The following ANK1 variants were observed in gnomAD, a reference collection of about 807,000 sequenced individuals.
ANK1 encodes ankyrin 1.
In ANK1, 51 loss-of-function variants were observed where a neutral mutation model predicts 210.4. That is an observed-to-expected ratio of 0.24 (90% CI 0.19 to 0.31). ANK1 has a LOEUF of 0.31. Among genes scored for constraint, ANK1 ranks in the 10% least tolerant of loss-of-function variants. The pLI is 1.00. For missense variants in ANK1, 2,051 were observed against 2,504.4 expected, an observed-to-expected ratio of 0.82 and a Z score of 3.86; for synonymous variants, 967 against 1,025.9, an observed-to-expected ratio of 0.94 and a Z score of 1.10.
In ANK1 at chr8:41,809,570, C is replaced by T. The variant is rs543902814; in HGVS notation, c.127-51433G>A. ...TCACTTGAGCCCAGAAGTTCAAGAC[C>T]AGCCTGGGCAACATAGCAAGACCCC... On this transcript the variant is annotated intron_variant, in intron 1 of 42. Transcript: ENST00000265709. Among the ~76,000 whole-genome samples the T allele has an allele frequency of 1.1e-3, 160 of 152,228 alleles. 1 individual carries two copies. Among genetic ancestry groups the T allele is most frequent in the Middle Eastern group, 3.4e-3 (1 of 294 alleles).
intron 1 of ANK1, among the ~76,000 whole-genome samples, chr8:41,788,273 G>C (rs1846848986): frequency 6.6e-6 from 1 of 152,122 alleles, no homozygotes; most frequent in Admixed American, 6.5e-5. Flanking sequence ...TTTCTTATTA[G>C]GACAGAATTC....
At chr8:41,744,030 G>T (rs1835446245) in intron 2 of ANK1, among the ~76,000 whole-genome samples, 1 of 152,180 alleles carries the variant, frequency 6.6e-6, no homozygotes, top group South Asian at 2.1e-4. Flanking sequence ...GGGGCACCTT[G>T]TGCCAGAAAG....
chr8:41,736,412 A>G (rs528734592), intron 2 of ANK1, among the ~76,000 whole-genome samples: 1 of 152,292 alleles, frequency 6.6e-6, no homozygotes, highest in African/African-American at 2.4e-5. Flanking sequence ...GCATTTCTGC[A>G]AGCGCTCTTC....
At chr8:41,724,740 G>A (rs948105582) in intron 6 of ANK1, among the ~76,000 whole-genome samples, 186 bp from the exon 7 acceptor site, 3 of 152,150 alleles carry the variant, frequency 2.0e-5, no homozygotes, top group Non-Finnish European at 2.9e-5. Flanking sequence ...CAAAAGCTGG[G>A]GGTCTGCCCT....
intron 1 of ANK1, among the ~76,000 whole-genome samples, chr8:41,838,599 C>T (rs1808235615): frequency 1.3e-5 from 2 of 151,422 alleles, no homozygotes; most frequent in South Asian, 2.1e-4. Context: ...AACCCCGTCT[C>T]TAGTAAAAAT....
intron 35 of ANK1, among the ~76,000 whole-genome samples, chr8:41,686,956 T>TACAACACAAACGTGCACACACTC (rs1280727586): frequency 6.6e-6 from 1 of 151,980 alleles, no homozygotes; most frequent in African/African-American, 2.4e-5. Flanking sequence ...AACACGCACA[T>TACAACACAAACGTGCACACACTC]ACAACACAAA....
Position 41,702,033 on chromosome 8 carries a change from G to A in ANK1, c.2388+19C>T. ...GGCTGAGTGTGTCTGGGGTGGGTGC[G>A]GGGGAGAGGCAGACATACCACGAAA... On this transcript the variant is annotated intron_variant, in intron 21 of 42. Transcript: ENST00000289734. The A allele has an allele frequency of 1.9e-6, 3 of 1,607,008 alleles. No individual in the cohort carries two copies. Among genetic ancestry groups the A allele is most frequent in the Non-Finnish European group, 2.6e-6 (3 of 1,173,630 alleles).
chr8:41,823,379 GAAGTA>G (rs915250886), intron 1 of ANK1, among the ~76,000 whole-genome samples: 3 of 152,168 alleles, frequency 2.0e-5, no homozygotes, highest in African/African-American at 4.8e-5. Flanking sequence ...TTTCTCCAGT[GAAGTA>G]ATCTTTATAT....
chr8:41,663,960 G>A (rs1486486560), intron 39 of ANK1: 5 of 646,452 alleles, frequency 7.7e-6, no homozygotes, highest in Non-Finnish European at 1.4e-5. Flanking sequence ...ACGAACGGTC[G>A]AGCTCACAAT....
chr8:41,681,520 C>T (rs1816018472), intron 37 of ANK1, among the ~76,000 whole-genome samples: 2 of 152,228 alleles, frequency 1.3e-5, no homozygotes, highest in East Asian at 3.9e-4. Context: ...AATTCCTGGA[C>T]ACCACCCACT....
At chr8:41,828,338 C>G (rs1357090579) in intron 1 of ANK1, 2 of 154,796 alleles carry the variant, frequency 1.3e-5, no homozygotes, top group Admixed American at 6.5e-5. Flanking sequence ...GTGCGTGCAG[C>G]GCCGCCTCCT....
intron 1 of ANK1, among the ~76,000 whole-genome samples, chr8:41,794,506 C>T (rs1280246337): frequency 2.0e-5 from 3 of 152,294 alleles, no homozygotes; most frequent in African/African-American, 7.2e-5. Flanking sequence ...CCCTCAATAA[C>T]AGGACTGACT....
At chr8:41,822,100 G>A (rs4398897) in intron 1 of ANK1, among the ~76,000 whole-genome samples, 31 of 92,376 alleles carry the variant, frequency 3.4e-4, no homozygotes, top group Middle Eastern at 5.9e-3. Flanking sequence ...GAGAGAGAGA[G>A]AGAGAGAGAG....
chr8:41,690,462 G>A lies in ANK1; in HGVS notation c.3984+12C>T, dbSNP rs200019819. The A allele has an allele frequency of 1.7e-4, 275 of 1,614,202 alleles. No homozygotes were observed. Among genetic ancestry groups the A allele is most frequent in the South Asian group, 2.7e-4 (25 of 91,078 alleles). ...AGACCCAGAGGAGAACTCAGCCAGA[G>A]GGTGCCGGCACCTTTACAGGCATGG... is the stretch of plus-strand genomic sequence containing the variant. On this transcript the variant is annotated intron_variant, in intron 32 of 42. Transcript: ENST00000289734.
chr8:41,717,124 G>A, intron 12 of ANK1, 73 bp from the exon 13 acceptor site: 1 of 1,541,574 alleles, frequency 6.5e-7, no homozygotes, highest in Admixed American at 1.7e-5. Context: ...GAGCTAGGAA[G>A]TGCAGTCTGG....
intron 9 of ANK1, among the ~76,000 whole-genome samples, 177 bp from the exon 10 acceptor site, chr8:41,720,035 T>C (rs1372656082): frequency 6.6e-6 from 1 of 152,138 alleles, no homozygotes; most frequent in African/African-American, 2.4e-5. Context: ...ACCACAGACA[T>C]TCTCCTTTCC....
At chr8:41,792,021 A>G (rs1847841100) in intron 1 of ANK1, among the ~76,000 whole-genome samples, 1 of 152,170 alleles carries the variant, frequency 6.6e-6, no homozygotes, top group Admixed American at 6.5e-5. Flanking sequence ...ACCTTCCCCT[A>G]CACGCTAATA....
rs745595585 is a variant in ANK1, at chr8:41,693,851, C to T, written c.3532+47G>A. On this transcript the variant is annotated intron_variant, in intron 29 of 42. Coordinates refer to ENST00000289734, the MANE Select transcript of ANK1 (RefSeq NM_000037.4). Reference sequence around the variant, plus strand: ...AGTCACCCCCCTACTGTGTTCCAGACGCACTGCAGCAGCCGAGAACAGAAG... The same window carrying T: ...AGTCACCCCCCTACTGTGTTCCAGATGCACTGCAGCAGCCGAGAACAGAAG... 68 of 1,555,248 alleles carry T rather than the reference C, an allele frequency of 4.4e-5. No homozygotes were observed. The East Asian group carries it at 4.5e-4, about 10-fold the overall frequency.
chr8:41,892,380 C>T (rs909375905), intron 1 of ANK1, among the ~76,000 whole-genome samples: 3 of 152,180 alleles, frequency 2.0e-5, no homozygotes, highest in Non-Finnish European at 4.4e-5. Context: ...GAAAGACTGA[C>T]GGAGCTGCCT....
Sources: allele counts gnomAD v4.1 joint callset (sites outside exome capture counted in the v4.1 genomes callset), GRCh38; gene constraint gnomAD v4.1.1; transcripts MANE v1.5; gene names NCBI Gene and HGNC (gene_info 2026-07-23, HGNC 2026-07-21).